Variants in FAM72D observed in about 807,000 individuals in gnomAD.
FAM72D encodes RUMY family member 4.
For missense variants in FAM72D, 9 were observed against 104.7 expected, an observed-to-expected ratio of 0.09 and a Z score of 3.99; for synonymous variants, 4 against 35.1, an observed-to-expected ratio of 0.11 and a Z score of 3.13.
intron 3 of FAM72D, among the ~76,000 whole-genome samples, chr1:145,107,484 C>G (rs1654979677): frequency 1.6e-5 from 2 of 127,594 alleles, no homozygotes; most frequent in South Asian, 2.8e-4. Flanking sequence ...GGGGATCCGC[C>G]TGCCTCAGCC....
intron 3 of FAM72D, among the ~76,000 whole-genome samples, chr1:145,107,344 C>G (rs1294368475): frequency 8.0e-6 from 1 of 125,356 alleles, no homozygotes; most frequent in African/African-American, 3.2e-5. Flanking sequence ...CTCCCGGGTT[C>G]AAGCGATTCT....
At chr1:145,102,565 G>A (rs1244371410) in intron 2 of FAM72D, among the ~76,000 whole-genome samples, 3 of 42,614 alleles carry the variant, frequency 7.0e-5, no homozygotes, top group African/African-American at 1.7e-4. Context: ...TCAGGAGTTC[G>A]AGACCAGCCT....
intron 1 of FAM72D, 122 bp downstream of exon 1, chr1:145,097,121 G>C (rs1553637322): frequency 6.7e-7 from 1 of 1,501,550 alleles, no homozygotes; most frequent in Non-Finnish European, 9.1e-7. Flanking sequence ...CCACCAGTTT[G>C]ATGATCCCCT....
rs1655091173 is a variant in FAM72D at position 145,112,441 on chromosome 1, TG to T, written c.*845del. The T allele has an allele frequency of 6.7e-6, 1 of 150,002 alleles. No individual in the cohort carries two copies. The highest frequency in any genetic ancestry group is 1.5e-5 in the Non-Finnish European group (1 of 67,920). The allele number at this position is 150,002 out of a possible 1,614,324, so 9.3% of individuals were successfully genotyped here. A position where few individuals can be genotyped will look rare whatever the true frequency, so the allele number is the denominator to read the frequency against. ...TGTTTTGCTTTGCTTTGCTTTGTTT[TG>T]TTTTTTTAAAGCTGCATTCAGAGCT... On this transcript the variant is annotated 3_prime_UTR_variant, in exon 4 of 4. Transcript: ENST00000400889.
chr1:145,102,000 T>G (rs1379602768), intron 2 of FAM72D, among the ~76,000 whole-genome samples: 2 of 123,174 alleles, frequency 1.6e-5, no homozygotes, highest in Admixed American at 1.6e-4. Context: ...ATGTTGCTAT[T>G]TTTTTTAAAG....
chr1:145,099,957 TTA>T (rs1179436095), intron 2 of FAM72D, among the ~76,000 whole-genome samples: 3 of 123,962 alleles, frequency 2.4e-5, no homozygotes, highest in African/African-American at 9.5e-5. Flanking sequence ...TTTTTTTTTT[TTA>T]GTAGAGACAG....
At chr1:145,105,639 G>A (rs1399759395) in intron 3 of FAM72D, among the ~76,000 whole-genome samples, 2 of 150,050 alleles carry the variant, frequency 1.3e-5, no homozygotes, top group Admixed American at 6.6e-5. Context: ...CACCAAGAGT[G>A]GAACTCCATC....
chr1:145,100,774 G>A lies in FAM72D; in HGVS notation c.230+1709G>A, dbSNP rs1170926700. 4.3e-4 allele frequency among the ~76,000 whole-genome samples: 64 copies of A among 150,558 alleles called. 3 individuals carry two copies. The highest frequency in any genetic ancestry group is 1.3e-4 in the Non-Finnish European group (9 of 67,896). ...CCCTAAGTGCTAGGATTACAGGCGT[G>A]AGCCACCGCACCCAGCCCACCCGGC... is the stretch of plus-strand genomic sequence containing the variant. On this transcript the variant is annotated intron_variant, in intron 2 of 3. Transcript: ENST00000400889.
chr1:145,112,413 T>C lies in FAM72D; in HGVS notation c.*816T>C, dbSNP rs1488865500. The C allele has an allele frequency of 2.0e-5, 3 of 150,980 alleles. No individual in the cohort carries two copies. The highest frequency in any genetic ancestry group is 2.1e-4 in the South Asian group (1 of 4,786). The allele number at this position is 150,980 out of a possible 1,614,324, so 9.4% of individuals were successfully genotyped here. A position where few individuals can be genotyped will look rare whatever the true frequency, so the allele number is the denominator to read the frequency against. On this transcript the variant is annotated 3_prime_UTR_variant, in exon 4 of 4. Coordinates refer to ENST00000400889, the MANE Select transcript of FAM72D (RefSeq NM_207418.3). ...AGCCATTGTACATTATAAAGAGCTGTTTTGTTTTGCTTTGCTTTGCTTTGT... is the reference window on the plus strand; with the variant it reads ...AGCCATTGTACATTATAAAGAGCTGCTTTGTTTTGCTTTGCTTTGCTTTGT...
chr1:145,102,533 AAGG>A (rs1654756145), intron 2 of FAM72D, among the ~76,000 whole-genome samples: 3 of 48,008 alleles, frequency 6.2e-5, no homozygotes, highest in South Asian at 1.6e-3. Context: ...TTGGGAGGCC[AAGG>A]CAGGTGGATC....
intron 3 of FAM72D, among the ~76,000 whole-genome samples, chr1:145,107,161 A>G (rs1334007978): frequency 6.8e-6 from 1 of 147,470 alleles, no homozygotes; most frequent in Non-Finnish European, 1.5e-5. Context: ...AAATTATTTT[A>G]GTAAGAAAGT....
At chr1:145,101,945 C>CT (rs1267628823) in intron 2 of FAM72D, among the ~76,000 whole-genome samples, 3 of 106,310 alleles carry the variant, frequency 2.8e-5, no homozygotes, top group Admixed American at 2.7e-4. Context: ...CAGAGTAAGA[C>CT]TAAGCTTGAA....
At chr1:145,100,271 CATTTAGATGGGGTTTGT>C (rs1350609977) in intron 2 of FAM72D, among the ~76,000 whole-genome samples, 4 of 117,804 alleles carry the variant, frequency 3.4e-5, no homozygotes, top group African/African-American at 1.3e-4. Flanking sequence ...GAAATTTTCT[CATTTAGATGGGGTTTGT>C]ATTTAGAAGG....
At position 145,112,417 on chromosome 1, in the gene FAM72D, G is replaced by A. The variant is rs1260312803; in HGVS notation, c.*820G>A. On this transcript the variant is annotated 3_prime_UTR_variant, in exon 4 of 4. Coordinates refer to ENST00000400889, the MANE Select transcript of FAM72D (RefSeq NM_207418.3). The stretch of plus-strand genomic sequence containing the variant: ...ATTGTACATTATAAAGAGCTGTTTT[G>A]TTTTGCTTTGCTTTGCTTTGTTTTG... 1 of 150,672 alleles carries A rather than the reference G, an allele frequency of 6.6e-6. No individual in the cohort carries two copies. Among genetic ancestry groups the A allele is most frequent in the Non-Finnish European group, 1.5e-5 (1 of 67,876 alleles). The allele number at this position is 150,672 out of a possible 1,614,324, so 9.3% of individuals were successfully genotyped here.
chr1:145,105,600 G>C (rs1220310547), intron 3 of FAM72D, among the ~76,000 whole-genome samples: 1 of 147,904 alleles, frequency 6.8e-6, no homozygotes, highest in Non-Finnish European at 1.5e-5. Context: ...AGGAGGTGGA[G>C]TTTGAAGTGA....
intron 3 of FAM72D, among the ~76,000 whole-genome samples, chr1:145,106,844 A>G (rs1654937935): frequency 7.4e-6 from 1 of 134,284 alleles, no homozygotes; most frequent in Non-Finnish European, 1.5e-5. Context: ...TCAATGCAGG[A>G]TTGCCAAAAC....
intron 3 of FAM72D, among the ~76,000 whole-genome samples, chr1:145,105,908 C>T (rs9778211): frequency 2.8e-5 from 4 of 143,892 alleles, no homozygotes; most frequent in Non-Finnish European, 6.1e-5. Flanking sequence ...GCCAAGATCA[C>T]GCCATTGCAC....
At chr1:145,100,513 A>G (rs1454242572) in intron 2 of FAM72D, among the ~76,000 whole-genome samples, 24 of 138,012 alleles carry the variant, frequency 1.7e-4, no homozygotes, top group Non-Finnish European at 3.2e-4. Flanking sequence ...TTTTTTTAAG[A>G]CGGAGTTTTG....
intron 3 of FAM72D, among the ~76,000 whole-genome samples, chr1:145,106,127 A>T (rs1654912208): frequency 1.1e-5 from 1 of 88,046 alleles, no homozygotes; most frequent in African/African-American, 4.7e-5. Flanking sequence ...TTATAAACCA[A>T]CCTCTGCTAG....
Sources: allele counts gnomAD v4.1 joint callset (sites outside exome capture counted in the v4.1 genomes callset), GRCh38; gene constraint gnomAD v4.1.1; transcripts MANE v1.5; gene names NCBI Gene and HGNC (gene_info 2026-07-23, HGNC 2026-07-21).